PLSCR5: variants seen among roughly 807,000 people sequenced by gnomAD.
The protein encoded by PLSCR5 is phospholipid scramblase family member 5.
Under a neutral mutation model 33.6 loss-of-function variants are expected in PLSCR5, and 44 were observed. The ratio of observed to expected loss-of-function variants is 1.31; its 90% CI spans 1.03 to 1.69. The LOEUF (loss-of-function observed/expected upper bound fraction) is 1.69. Ranked by LOEUF, PLSCR5 falls within the 40% of genes most tolerant of loss-of-function variation. PLSCR5 has a pLI of 0.00. For missense variants in PLSCR5, 375 were observed against 318.7 expected, an observed-to-expected ratio of 1.18 and a Z score of -1.34; for synonymous variants, 148 against 112.3, an observed-to-expected ratio of 1.32 and a Z score of -2.01.
chr3:146,579,850 A>G (rs1300744216), intron 7 of PLSCR5, among the ~76,000 whole-genome samples: 1 of 152,202 alleles, frequency 6.6e-6, no homozygotes, highest in Non-Finnish European at 1.5e-5. Flanking sequence ...GGCCTAGCCT[A>G]AGAGAGTCTG....
At chr3:146,593,783 A>T in intron 4 of PLSCR5, 137 bp downstream of exon 4, 1 of 795,634 alleles carries the variant, frequency 1.3e-6, no homozygotes, top group East Asian at 2.7e-5. Context: ...AGCTGATCTG[A>T]TCCTAAAGGA....
intron 7 of PLSCR5, among the ~76,000 whole-genome samples, chr3:146,579,812 C>T (rs1178083294): frequency 6.6e-6 from 1 of 152,182 alleles, no homozygotes; most frequent in Admixed American, 6.5e-5. Flanking sequence ...TTGGAGGATA[C>T]GTGGGGCACA....
downstream of PLSCR5, among the ~76,000 whole-genome samples, chr3:146,583,725 T>G (rs903867322): frequency 6.6e-6 from 1 of 152,198 alleles, no homozygotes; most frequent in African/African-American, 2.4e-5. Context: ...TGATATATTC[T>G]AAGAAGGATT....
At chr3:146,593,551 A>G (rs914732228) in intron 4 of PLSCR5, among the ~76,000 whole-genome samples, 2 of 152,176 alleles carry the variant, frequency 1.3e-5, no homozygotes, top group Non-Finnish European at 2.9e-5. Context: ...GGAGTTTAAT[A>G]TCACTTAGCA....
Position 146,586,066 on chromosome 3 carries a change from C to T in PLSCR5, c.*8G>A, listed in dbSNP as rs1388387792. 3 of 1,481,036 alleles carry T rather than the reference C, an allele frequency of 2.0e-6. No homozygotes were observed. The highest frequency in any genetic ancestry group is 2.6e-5 in the Admixed American group (1 of 38,052). The allele number at this position is 1,481,036 out of a possible 1,614,324, so 91.7% of individuals were successfully genotyped here. ...CTGCATATTTTATTGTTTTCATTAT[C>T]TTGGTTATTATAATCCAGCCAGTGA... On this transcript the variant is annotated 3_prime_UTR_variant, in exon 7 of 8. Coordinates refer to ENST00000443512, the MANE Select transcript of PLSCR5 (RefSeq NM_001085420.2).
intron 4 of PLSCR5, among the ~76,000 whole-genome samples, chr3:146,592,762 G>A (rs1338972156): frequency 6.6e-6 from 1 of 152,042 alleles, no homozygotes; most frequent in African/African-American, 2.4e-5. Context: ...TTTTTTAAAA[G>A]TTACTAATAG....
chr3:146,595,705 G>A (rs2044755229), intron 2 of PLSCR5, among the ~76,000 whole-genome samples: 1 of 152,182 alleles, frequency 6.6e-6, no homozygotes, highest in African/African-American at 2.4e-5. Context: ...GAAAACAAGA[G>A]TTTGTGAAGA....
Position 146,591,289 on chromosome 3 carries a change from G to C in PLSCR5, c.615+431C>G, listed in dbSNP as rs116415255. On this transcript the variant is annotated intron_variant, in intron 5 of 7. Coordinates refer to ENST00000443512, the MANE Select transcript of PLSCR5 (RefSeq NM_001085420.2). ...GGTTATCTTAAAAAGGCAAAGCTATGTGTCCAAAAATTTTTGATGTTCAAA... is the reference window on the plus strand; with the variant it reads ...GGTTATCTTAAAAAGGCAAAGCTATCTGTCCAAAAATTTTTGATGTTCAAA... Among the ~76,000 whole-genome samples the C allele has an allele frequency of 2.7e-3, 405 of 152,044 alleles. 2 individuals carry two copies. The highest frequency in any genetic ancestry group is 9.4e-3 in the African/African-American group (389 of 41,554).
At chr3:146,587,674 G>A (rs897434870) in intron 6 of PLSCR5, among the ~76,000 whole-genome samples, 2 of 151,996 alleles carry the variant, frequency 1.3e-5, no homozygotes, top group Non-Finnish European at 2.9e-5. Context: ...AACAGGCAAG[G>A]TGGACTAAGC....
chr3:146,582,946 C>T (rs551151229), downstream of PLSCR5, among the ~76,000 whole-genome samples: 54 of 152,234 alleles, frequency 3.5e-4, no homozygotes, highest in African/African-American at 1.3e-3. Context: ...TCCTCTGTGG[C>T]TTCCACCCAG....
At chr3:146,589,272 A>G (rs2107850285) in intron 6 of PLSCR5, among the ~76,000 whole-genome samples, 1 of 152,328 alleles carries the variant, frequency 6.6e-6, no homozygotes, top group Admixed American at 6.5e-5. Flanking sequence ...CTATTATGCA[A>G]TGAACCAGTC....
chr3:146,598,600 C>T lies in PLSCR5; in HGVS notation c.189+1688G>A, dbSNP rs571598739. On this transcript the variant is annotated intron_variant, in intron 2 of 7. Coordinates refer to ENST00000443512, the MANE Select transcript of PLSCR5 (RefSeq NM_001085420.2). ...TGTATTCATGTCAAGCATCTGGCTC[C>T]GGGTGTGTCATCATTCATGAATGGA... 8.6e-4 allele frequency among the ~76,000 whole-genome samples: 131 copies of T among 152,262 alleles called. 1 individual carries two copies. The highest frequency in any genetic ancestry group is 2.9e-3 in the African/African-American group (121 of 41,556).
chr3:146,577,436 A>G (rs994118783), intron 7 of PLSCR5, among the ~76,000 whole-genome samples: 4 of 152,130 alleles, frequency 2.6e-5, no homozygotes, highest in Admixed American at 2.6e-4. Flanking sequence ...ATAATTTTAA[A>G]TAATTTTAGA....
At chr3:146,599,861 G>T (rs1259264409) in intron 2 of PLSCR5, among the ~76,000 whole-genome samples, 1 of 151,620 alleles carries the variant, frequency 6.6e-6, no homozygotes, top group African/African-American at 2.4e-5. Context: ...ATAGAGACAG[G>T]GTTGTATCAT....
intron 7 of PLSCR5, among the ~76,000 whole-genome samples, chr3:146,576,950 A>G (rs17432334): frequency 0.26 from 39,478 of 151,774 alleles, 5,110 homozygotes; most frequent in African/African-American, 0.27. Context: ...TAGAAAAGAA[A>G]TTGTTTATGA....
rs956946453 is a variant in PLSCR5, at chr3:146,595,035, A to T, written c.232+6T>A. 1 of 1,417,132 alleles carries T rather than the reference A, an allele frequency of 7.1e-7. No individual in the cohort carries two copies. Among genetic ancestry groups the T allele is most frequent in the Non-Finnish European group, 9.4e-7 (1 of 1,065,534 alleles). The allele number at this position is 1,417,132 out of a possible 1,614,324, so 87.8% of individuals were successfully genotyped here. On this transcript the variant is annotated splice_donor_region_variant and intron_variant, in intron 3 of 7. Transcript: ENST00000443512. ...AATAAATATGTAATATATATAATGC[A>T]CTTACTTCCAAGCAGCTCCACCTGC...
chr3:146,594,992 A>C, intron 3 of PLSCR5, 49 bp downstream of exon 3: 1 of 1,184,472 alleles, frequency 8.4e-7, no homozygotes, highest in Non-Finnish European at 1.1e-6. Flanking sequence ...TGAAAACTAA[A>C]ATATTTTCAA....
chr3:146,599,158 G>A (rs2044788444), intron 2 of PLSCR5, among the ~76,000 whole-genome samples: 1 of 152,078 alleles, frequency 6.6e-6, no homozygotes, highest in East Asian at 1.9e-4. Context: ...AGCAATAGCT[G>A]AATTTTATAT....
chr3:146,589,608 G>C (rs772785111), intron 6 of PLSCR5, 45 bp downstream of exon 6: 1 of 1,435,760 alleles, frequency 7.0e-7, no homozygotes, highest in Non-Finnish European at 9.5e-7. Context: ...TAACAAGCAA[G>C]AGGGAGAATA....
Sources: gnomAD v4.1 joint callset for allele counts (sites outside exome capture counted in the v4.1 genomes callset) on GRCh38, gnomAD v4.1.1 for gene constraint, MANE v1.5 for transcripts, NCBI Gene and HGNC (gene_info 2026-07-23, HGNC 2026-07-21) for gene names.